TNR: variants seen among roughly 807,000 people sequenced by gnomAD.
The protein encoded by TNR is tenascin-R.
Under a neutral mutation model 150.4 loss-of-function variants are expected in TNR, and 45 were observed. The ratio of observed to expected loss-of-function variants is 0.30; its 90% CI spans 0.24 to 0.38. The LOEUF (loss-of-function observed/expected upper bound fraction) is 0.38, where lower values mean the gene tolerates loss of function less well. Among genes scored for constraint, TNR ranks in the 10% least tolerant of loss-of-function variants. The pLI is 1.00. For synonymous variants in TNR, 687 were observed against 678.4 expected (o/e 1.01, Z -0.20); for missense variants, 1,544 against 1,759.1 (o/e 0.88, Z 2.19).
intron 1 of TNR, among the ~76,000 whole-genome samples, chr1:175,530,052 T>C (rs1320921365): frequency 6.6e-6 from 1 of 152,232 alleles, no homozygotes; most frequent in Non-Finnish European, 1.5e-5. Flanking sequence ...AAGTGACACA[T>C]GCTTATTATA....
chr1:175,375,295 G>T lies in TNR; in HGVS notation c.1963+4257C>A, dbSNP rs147148717. ...CTCAAGGACCCCTTTGGGACTATAG[G>T]TATGGTGCACAGGCCAAACAGACAT... is the stretch of plus-strand genomic sequence containing the variant. On this transcript the variant is annotated intron_variant, in intron 9 of 22. Coordinates refer to ENST00000367674, the MANE Select transcript of TNR (RefSeq NM_003285.3). Among the ~76,000 whole-genome samples the T allele has an allele frequency of 2.2e-3, 334 of 152,050 alleles. 2 individuals are homozygous for T. Among genetic ancestry groups the T allele is most frequent in the African/African-American group, 7.6e-3 (317 of 41,470 alleles).
At chr1:175,507,086 C>T (rs1360181228) in intron 2 of TNR, among the ~76,000 whole-genome samples, 1 of 152,178 alleles carries the variant, frequency 6.6e-6, no homozygotes, top group East Asian at 1.9e-4. Flanking sequence ...GGGTTCGCTG[C>T]TCAGTGTTTG....
At chr1:175,642,880 A>C (rs749732254) in intron 1 of TNR, among the ~76,000 whole-genome samples, 1 of 152,206 alleles carries the variant, frequency 6.6e-6, no homozygotes, top group Non-Finnish European at 1.5e-5. Flanking sequence ...GCAGTGAGCT[A>C]TGATTGCACT....
chr1:175,500,139 G>T (rs531010281), intron 2 of TNR, among the ~76,000 whole-genome samples: 2 of 152,114 alleles, frequency 1.3e-5, no homozygotes, highest in Non-Finnish European at 2.9e-5. Context: ...GAGCTCAAAG[G>T]CTGACTTTTC....
intron 1 of TNR, among the ~76,000 whole-genome samples, chr1:175,621,555 T>C (rs1175394546): frequency 1.3e-5 from 2 of 152,212 alleles, no homozygotes; most frequent in African/African-American, 4.8e-5. Flanking sequence ...CCTAATGTAT[T>C]AAATGGGTTA....
intron 18 of TNR, among the ~76,000 whole-genome samples, chr1:175,340,333 A>G (rs535713287): frequency 2.0e-5 from 3 of 152,222 alleles, no homozygotes; most frequent in Admixed American, 6.5e-5. Flanking sequence ...TATAGATTCC[A>G]TTTGCTGTGA....
chr1:175,374,645 A>G lies in TNR; in HGVS notation c.1963+4907T>C, dbSNP rs556240386. 2.0e-5 allele frequency among the ~76,000 whole-genome samples: 3 copies of G among 152,278 alleles called. No homozygotes were observed. The South Asian group carries it at 6.2e-4, about 32-fold the overall frequency. On this transcript the variant is annotated intron_variant, in intron 9 of 22. Transcript: ENST00000367674. ...GTTGTATCACATCTGTAGAAACTGT[A>G]AAGCTTCTGGATTTCCTAGGCCCTG...
chr1:175,655,690 T>C (rs1470475742), intron 1 of TNR, among the ~76,000 whole-genome samples: 2 of 152,218 alleles, frequency 1.3e-5, no homozygotes, highest in South Asian at 2.1e-4. Context: ...CCCACCACCA[T>C]TAGCAAAGAA....
chr1:175,688,210 G>T (rs1018028077), intron 1 of TNR, among the ~76,000 whole-genome samples: 1 of 152,188 alleles, frequency 6.6e-6, no homozygotes, highest in African/African-American at 2.4e-5. Context: ...TTCTAGGCTG[G>T]GTACAGGGAG....
intron 1 of TNR, among the ~76,000 whole-genome samples, chr1:175,617,365 C>A (rs1663815016): frequency 6.6e-6 from 1 of 152,020 alleles, no homozygotes. Context: ...TATGTGCCAG[C>A]CTTCCCAGAC....
chr1:175,738,073 A>G (rs1019019079), intron 1 of TNR, among the ~76,000 whole-genome samples: 3 of 152,158 alleles, frequency 2.0e-5, no homozygotes, highest in African/African-American at 7.2e-5. Context: ...GATAAATCTG[A>G]TTCATTCATG....
intron 2 of TNR, among the ~76,000 whole-genome samples, chr1:175,416,684 TC>T (rs894514425): frequency 7.9e-5 from 12 of 152,112 alleles, no homozygotes; most frequent in African/African-American, 2.9e-4. Context: ...CTGCCCACAC[TC>T]CTTAGAACAG....
At chr1:175,361,064 T>A (rs1287086389) in intron 14 of TNR, among the ~76,000 whole-genome samples, 1 of 151,734 alleles carries the variant, frequency 6.6e-6, no homozygotes, top group Non-Finnish European at 1.5e-5. Context: ...GACCCAAGGA[T>A]TTTTTTTTCT....
chr1:175,359,457 G>A (rs1209011974), intron 15 of TNR, among the ~76,000 whole-genome samples, 155 bp downstream of exon 15: 3 of 152,092 alleles, frequency 2.0e-5, no homozygotes, highest in Non-Finnish European at 4.4e-5. Flanking sequence ...AGAGTTTGGG[G>A]ATATCTTGAG....
rs1194267618 is a variant in TNR, at chr1:175,508,550, C to T, written c.-64+19719G>A. On this transcript the variant is annotated intron_variant, in intron 2 of 22. Coordinates refer to ENST00000367674, the MANE Select transcript of TNR (RefSeq NM_003285.3). The stretch of plus-strand genomic sequence containing the variant: ...AAAGGCTGTGGCTTCTGTCCTGGGG[C>T]TTTTTCACTCTCAAACTGCTCACTG... Among the ~76,000 whole-genome samples, 64 of 152,176 alleles carry T rather than the reference C, an allele frequency of 4.2e-4. 1 individual carries two copies. The highest frequency in any genetic ancestry group is 1.5e-5 in the Non-Finnish European group (1 of 68,034).
intron 1 of TNR, among the ~76,000 whole-genome samples, chr1:175,543,687 T>A (rs1401030679): frequency 1.3e-5 from 2 of 152,122 alleles, no homozygotes; most frequent in Non-Finnish European, 2.9e-5. Context: ...GTAATTTATA[T>A]AAGAAGAGAA....
chr1:175,464,296 C>G (rs562980586), intron 2 of TNR, among the ~76,000 whole-genome samples: 1 of 152,274 alleles, frequency 6.6e-6, no homozygotes, highest in Admixed American at 6.5e-5. Context: ...TCCTAGGAGC[C>G]CCAGGGCTTC....
intron 1 of TNR, among the ~76,000 whole-genome samples, chr1:175,614,779 T>A (rs1026137167): frequency 1.3e-5 from 2 of 152,332 alleles, no homozygotes; most frequent in Middle Eastern, 6.8e-3. Flanking sequence ...CAGGGGCTCC[T>A]TGGGGTAACT....
chr1:175,389,312 G>A lies in TNR; in HGVS notation c.1507+1976C>T, dbSNP rs902681049. ...GAAATCAGAATTCCTCTTCCTCAGG[G>A]CAGGTAATAGAAACTAGAACTCCTT... On this transcript the variant is annotated intron_variant, in intron 7 of 22. Transcript: ENST00000367674. 2.6e-5 allele frequency among the ~76,000 whole-genome samples: 4 copies of A among 152,136 alleles called. No individual in the cohort carries two copies. The East Asian group carries it at 7.7e-4, about 29-fold the overall frequency.
Sources: allele counts gnomAD v4.1 joint callset (sites outside exome capture counted in the v4.1 genomes callset), GRCh38; gene constraint gnomAD v4.1.1; transcripts MANE v1.5; gene names NCBI Gene and HGNC (gene_info 2026-07-23, HGNC 2026-07-21).